Variants in SAE1 observed in about 807,000 individuals in gnomAD.
SAE1 encodes the protein SUMO-activating enzyme subunit 1.
In SAE1, 11 loss-of-function variants were observed where a neutral mutation model predicts 40.6. The observed-to-expected ratio is 0.27, with a 90% confidence interval of 0.17 to 0.45. SAE1 has a LOEUF of 0.45. Among genes scored for constraint, SAE1 ranks in the 20% least tolerant of loss-of-function variants. SAE1 has a pLI of 1.00. For missense variants in SAE1, 373 were observed against 427.3 expected (o/e 0.87, Z 1.12); for synonymous variants, 155 against 154.3 (o/e 1.00, Z -0.03).
intron 7 of SAE1, among the ~76,000 whole-genome samples, chr19:47,199,881 GTGC>G (rs1245226129): frequency 1.3e-5 from 2 of 151,922 alleles, no homozygotes; most frequent in Non-Finnish European, 1.5e-5. Context: ...TGACCTCACG[GTGC>G]TGATGTTACA....
At chr19:47,158,741 CTTG>C (rs1003934834) in intron 5 of SAE1, among the ~76,000 whole-genome samples, 1 of 152,150 alleles carries the variant, frequency 6.6e-6, no homozygotes, top group African/African-American at 2.4e-5. Flanking sequence ...CACATCCAGT[CTTG>C]TTGTCCCCAT....
intron 1 of SAE1, among the ~76,000 whole-genome samples, chr19:47,141,221 C>T (rs1347849814): frequency 6.6e-6 from 1 of 152,136 alleles, no homozygotes. Context: ...AGGCTGGTCT[C>T]GAACCCCTGG....
At chr19:47,204,508 C>A (rs930170736) in intron 8 of SAE1, among the ~76,000 whole-genome samples, 3 of 138,484 alleles carry the variant, frequency 2.2e-5, no homozygotes, top group Non-Finnish European at 4.7e-5. Context: ...GCACCCCCCC[C>A]CTTTTTTTTT....
intron 8 of SAE1, among the ~76,000 whole-genome samples, chr19:47,204,509 C>CG (rs398034856): frequency 8.9e-6 from 1 of 112,982 alleles, no homozygotes; most frequent in Non-Finnish European, 1.8e-5. Context: ...CACCCCCCCC[C>CG]TTTTTTTTTT....
At chr19:47,133,833 C>A (rs1369886204) in intron 1 of SAE1, among the ~76,000 whole-genome samples, 1 of 150,796 alleles carries the variant, frequency 6.6e-6, no homozygotes, top group Non-Finnish European at 1.5e-5. Flanking sequence ...AGAGTCAGTT[C>A]TCTTTTAGGT....
intron 6 of SAE1, among the ~76,000 whole-genome samples, chr19:47,192,702 G>C (rs1213249563): frequency 6.6e-6 from 1 of 151,598 alleles, no homozygotes; most frequent in African/African-American, 2.4e-5. Context: ...CACACTTTCG[G>C]CTAATTTTCC....
At chr19:47,169,465 C>T (rs1457473486) in intron 5 of SAE1, among the ~76,000 whole-genome samples, 4 of 152,006 alleles carry the variant, frequency 2.6e-5, no homozygotes, top group African/African-American at 7.3e-5. Context: ...AGGCTGGTCT[C>T]GAACTCCTGA....
intron 7 of SAE1, among the ~76,000 whole-genome samples, chr19:47,198,923 CA>C (rs1391041876): frequency 6.6e-6 from 1 of 151,838 alleles, no homozygotes; most frequent in Admixed American, 6.6e-5. Context: ...CCTGTCTCTA[CA>C]AAAAATAGAA....
chr19:47,138,373 C>G (rs2058195848), intron 1 of SAE1, among the ~76,000 whole-genome samples: 1 of 152,164 alleles, frequency 6.6e-6, no homozygotes, highest in South Asian at 2.1e-4. Context: ...CCTGTTTTCT[C>G]AGCTGCAAAA....
chr19:47,174,808 C>CAG (rs2058458603), intron 6 of SAE1, among the ~76,000 whole-genome samples: 1 of 151,564 alleles, frequency 6.6e-6, no homozygotes, highest in African/African-American at 2.4e-5. Flanking sequence ...GTTCTGACCT[C>CAG]GTGATCCGCC....
Position 47,203,745 on chromosome 19 carries a change from A to G in SAE1, c.948+5A>G, listed in dbSNP as rs781214118. The stretch of plus-strand genomic sequence containing the variant: ...TTGGCACAGGAAATTGTGAAGGTAA[A>G]ACATCACTGTGGAGCAGAAAATTGT... On this transcript the variant is annotated splice_donor_5th_base_variant and intron_variant, in intron 8 of 8. Coordinates refer to ENST00000270225, the MANE Select transcript of SAE1 (RefSeq NM_005500.3). The G allele has an allele frequency of 6.2e-7, 1 of 1,612,902 alleles. No individual in the cohort carries two copies. Among genetic ancestry groups the G allele is most frequent in the South Asian group, 1.1e-5 (1 of 91,050 alleles).
At chr19:47,142,654 CCTCT>C (rs2058229186) in intron 1 of SAE1, 1 of 152,210 alleles carries the variant, frequency 6.6e-6, no homozygotes, top group African/African-American at 2.4e-5. Flanking sequence ...AACTTTTCAG[CCTCT>C]CTGTCATTCC....
intron 2 of SAE1, among the ~76,000 whole-genome samples, chr19:47,146,529 A>G (rs917056901): frequency 1.3e-5 from 2 of 152,148 alleles, no homozygotes; most frequent in African/African-American, 2.4e-5. Context: ...AGCCAGGAAT[A>G]ACCAGAGCAG....
intron 5 of SAE1, among the ~76,000 whole-genome samples, chr19:47,165,801 C>T (rs1308553516): frequency 6.6e-5 from 10 of 152,166 alleles, no homozygotes; most frequent in Non-Finnish European, 1.5e-5. Flanking sequence ...GTGTAAGAAG[C>T]ACTGAATAAC....
chr19:47,169,634 C>T (rs921423233), intron 5 of SAE1, among the ~76,000 whole-genome samples, 184 bp from the exon 6 acceptor site: 2 of 152,140 alleles, frequency 1.3e-5, no homozygotes, highest in South Asian at 2.1e-4. Flanking sequence ...TTGTCCATCC[C>T]CAGCCTCTAC....
chr19:47,195,992 C>G (rs977629205), intron 6 of SAE1, among the ~76,000 whole-genome samples: 4 of 151,318 alleles, frequency 2.6e-5, no homozygotes, highest in Non-Finnish European at 5.9e-5. Context: ...CCTTGGCCCC[C>G]CAAAGTGTTG....
At position 47,203,689 on chromosome 19, in the gene SAE1, G is replaced by T; in HGVS notation, c.897G>T (p.Met299Ile). Residue 299 changes from methionine (M) to isoleucine (I), a missense_variant, in exon 8 of 9, where the codon ATG becomes ATT. Transcript: ENST00000270225. ...CTTTTAGGTACTGCTTCTCCGAGAT[G>T]GCCCCAGTGTGTGCGGTGGTTGGAG... ...EDFVRYCFSE[M>I]APVCAVVGGI... The T allele has an allele frequency of 2.5e-6, 4 of 1,614,046 alleles. No individual in the cohort carries two copies. The highest frequency in any genetic ancestry group is 3.4e-6 in the Non-Finnish European group (4 of 1,179,958).
In SAE1 at chr19:47,131,037, C is replaced by T. The variant is rs906517490; in HGVS notation, c.98+9C>T. 2.6e-6 allele frequency: 4 copies of T among 1,527,446 alleles called. No individual in the cohort carries two copies. The highest frequency in any genetic ancestry group is 2.8e-5 in the African/African-American group (2 of 71,268). The allele number at this position is 1,527,446 out of a possible 1,614,324, so 94.6% of individuals were successfully genotyped here. A position where few individuals can be genotyped will look rare whatever the true frequency, so the allele number is the denominator to read the frequency against. Reference sequence around the variant, plus strand: ...CTGGAGGCCCAGAAACGGTCAGGGCCGGCGCGGCTTGAGGCCGCTAGGGTC... The same window carrying T: ...CTGGAGGCCCAGAAACGGTCAGGGCTGGCGCGGCTTGAGGCCGCTAGGGTC... On this transcript the variant is annotated intron_variant, in intron 1 of 8. Transcript: ENST00000270225.
intron 6 of SAE1, among the ~76,000 whole-genome samples, chr19:47,191,407 A>T (rs1261886591): frequency 1.3e-5 from 2 of 152,250 alleles, no homozygotes; most frequent in African/African-American, 2.4e-5. Flanking sequence ...AAAGCAGAGG[A>T]TATTGCATCA....
Sources: allele counts gnomAD v4.1 joint callset (sites outside exome capture counted in the v4.1 genomes callset), GRCh38; gene constraint gnomAD v4.1.1; transcripts MANE v1.5; gene names NCBI Gene and HGNC (gene_info 2026-07-23, HGNC 2026-07-21).